Variants in TTLL6 observed in about 807,000 individuals in gnomAD.
The protein encoded by TTLL6 is tubulin polyglutamylase TTLL6.
TTLL6 carries 75 observed loss-of-function variants against 96.4 expected under a neutral mutation model. The ratio of observed to expected loss-of-function variants is 0.78; its 90% confidence interval spans 0.65 to 0.94. The LOEUF (loss-of-function observed/expected upper bound fraction) is 0.94, where lower values mean the gene tolerates loss of function less well. Ranked by LOEUF, TTLL6 falls within the 40% of genes least tolerant of loss-of-function variation. The probability of loss-of-function intolerance (pLI) is 0.00; values close to 1 mark genes in which losing one functional copy is unlikely to be tolerated. For missense variants in TTLL6, 1,030 were observed against 1,093.0 expected, an observed-to-expected ratio of 0.94 and a Z score of 0.81; for synonymous variants, 411 against 419.4, an observed-to-expected ratio of 0.98 and a Z score of 0.24.
intron 10 of TTLL6, among the ~76,000 whole-genome samples, chr17:48,788,314 C>G (rs538959812): frequency 6.6e-6 from 1 of 152,234 alleles, no homozygotes; most frequent in African/African-American, 2.4e-5. Context: ...TCGCCACCTT[C>G]CCATTCACAG....
intron 15 of TTLL6, among the ~76,000 whole-genome samples, chr17:48,768,063 G>A (rs2038650680): frequency 6.6e-6 from 1 of 152,154 alleles, no homozygotes; most frequent in East Asian, 1.9e-4. Flanking sequence ...GGGCAGATCA[G>A]TTCTACCAGA....
chr17:48,809,913 G>C (rs1401116251), intron 1 of TTLL6, among the ~76,000 whole-genome samples: 1 of 151,980 alleles, frequency 6.6e-6, no homozygotes, highest in African/African-American at 2.4e-5. Flanking sequence ...ACTTTGGGAG[G>C]CCTCAACTGA....
chr17:48,768,452 A>G (rs1426353750), intron 15 of TTLL6, among the ~76,000 whole-genome samples: 1 of 147,278 alleles, frequency 6.8e-6, no homozygotes, highest in Non-Finnish European at 1.5e-5. Context: ...TTGTATTTTT[A>G]GTAGAGACGG....
At chr17:48,786,442 A>C (rs1323549987) in intron 11 of TTLL6, 107 bp from the exon 12 acceptor site, 9 of 1,294,532 alleles carry the variant, frequency 7.0e-6, no homozygotes, top group Non-Finnish European at 9.9e-6. Flanking sequence ...AGCAAGTTCC[A>C]CATTCCCTCC....
intron 13 of TTLL6, among the ~76,000 whole-genome samples, chr17:48,772,254 G>T (rs917987596): frequency 5.9e-5 from 9 of 152,304 alleles, no homozygotes; most frequent in South Asian, 2.1e-4. Context: ...GGAAGCCAAG[G>T]TAGGTGGATT....
rs1221948602 is a variant in TTLL6 at position 48,769,136 on chromosome 17, C to T, written c.2529G>A (p.Arg843=). Residue 843 remains arginine, a synonymous_variant, in exon 15 of 16, where the codon AGG becomes AGA. Transcript: ENST00000393382. ...QSPQSYNVTL[R]DLLVIATPAQ... is the part of the protein sequence containing the mutation. ...CTGGAGTGGCAATCACCAGCAGGTC[C>T]CTCAGAGTAACATTATAGCTCTGAG... 2.5e-6 allele frequency: 4 copies of T among 1,614,192 alleles called. No individual in the cohort carries two copies. Among genetic ancestry groups the T allele is most frequent in the Middle Eastern group, 1.7e-4 (1 of 6,046 alleles).
intron 8 of TTLL6, 82 bp from the exon 9 acceptor site, chr17:48,791,685 C>T: frequency 8.2e-7 from 1 of 1,222,090 alleles, no homozygotes; most frequent in Non-Finnish European, 1.2e-6. Flanking sequence ...ACCAGAAACT[C>T]CTGGCGGAGA....
At chr17:48,786,127 G>A in intron 12 of TTLL6, 37 bp downstream of exon 12, 1 of 1,612,658 alleles carries the variant, frequency 6.2e-7, no homozygotes, top group Non-Finnish European at 8.5e-7. Flanking sequence ...GGTGGGGAAG[G>A]GTGTGGCTAC....
Position 48,769,270 on chromosome 17 carries a change from C to A in TTLL6, c.2411-16G>T, listed in dbSNP as rs368156960. On this transcript the variant is annotated splice_polypyrimidine_tract_variant and intron_variant, in intron 14 of 15. Coordinates refer to ENST00000393382, the MANE Select transcript of TTLL6 (RefSeq NM_001130918.3). Reference sequence around the variant, plus strand: ...GAGGGGTTTTCTGGAAAGGCAAAGTCAGAAGCATCAGCGATTTGTGCTGCT... The same window carrying A: ...GAGGGGTTTTCTGGAAAGGCAAAGTAAGAAGCATCAGCGATTTGTGCTGCT... The A allele has an allele frequency of 1.3e-6, 2 of 1,580,162 alleles. No individual in the cohort carries two copies. Among genetic ancestry groups the A allele is most frequent in the African/African-American group, 1.3e-5 (1 of 74,106 alleles).
intron 13 of TTLL6, among the ~76,000 whole-genome samples, chr17:48,776,518 A>G (rs565892195): frequency 2.5e-4 from 38 of 152,344 alleles, no homozygotes; most frequent in African/African-American, 8.9e-4. Flanking sequence ...TTATTTCTAT[A>G]TGCTAAGAAC....
chr17:48,769,872 G>C lies in TTLL6; in HGVS notation c.2266C>G (p.Pro756Ala). The change falls in exon 14 of 16, where the codon CCG (proline) becomes GCG (alanine). Residue 756 changes from proline to alanine, a missense_variant. Pro to Ala is a conservative substitution (Grantham distance 27). Transcript: ENST00000393382. ...TTTAGCAAAGTCCAGTTTGTGTTCG[G>C]ACTCTCCCAGAAGCTCTTGGATTTT... ...PTKSKSFWESPNTNWTLLKSD... is the reference protein window; with the variant it reads ...PTKSKSFWESANTNWTLLKSD... 6.2e-7 allele frequency: 1 copy of C among 1,614,204 alleles called. No homozygotes were observed. The highest frequency in any genetic ancestry group is 8.5e-7 in the Non-Finnish European group (1 of 1,180,038).
intron 13 of TTLL6, 78 bp downstream of exon 13, chr17:48,784,843 TCA>T: frequency 7.8e-7 from 1 of 1,277,726 alleles, no homozygotes; most frequent in Non-Finnish European, 1.1e-6. Flanking sequence ...ACTCAAAGGG[TCA>T]CAGCAAGTTG....
intron 6 of TTLL6, 62 bp from the exon 7 acceptor site, chr17:48,797,266 T>A: frequency 6.7e-7 from 1 of 1,486,420 alleles, no homozygotes; most frequent in Non-Finnish European, 9.0e-7. Context: ...TGAAAATCAC[T>A]AGCTCCCGCC....
rs781370067 is a variant in TTLL6, at chr17:48,768,155, G to T, written c.*834C>A. 2.6e-5 allele frequency among the ~76,000 whole-genome samples: 4 copies of T among 152,156 alleles called. No homozygotes were observed. In the East Asian group the frequency reaches 5.8e-4, roughly 22 times the overall value. On this transcript the variant is annotated intron_variant, in intron 15 of 15. Coordinates refer to ENST00000393382, the MANE Select transcript of TTLL6 (RefSeq NM_001130918.3). ...CTGTCACCCAGGCTGGAGTGCAGTG[G>T]TGCAATCCCGACTCACTGCAACCTT...
Position 48,762,732 on chromosome 17 carries a change from C to A in TTLL6, c.*242G>T, listed in dbSNP as rs762492534. On this transcript the variant is annotated 3_prime_UTR_variant, in exon 16 of 16. Transcript: ENST00000393382. The stretch of plus-strand genomic sequence containing the variant: ...ACGGCAACTGGAGTGTGTCCTGGGG[C>A]AGCACCAATCCAACCCCAGAAATCA... 4.0e-5 allele frequency: 13 copies of A among 324,540 alleles called. No homozygotes were observed. The highest frequency in any genetic ancestry group is 7.8e-5 in the Non-Finnish European group (13 of 166,528). 20.1% of individuals were successfully genotyped at this position (324,540 alleles called of 1,614,324 possible).
At position 48,769,066 on chromosome 17, in the gene TTLL6, T is replaced by A; in HGVS notation, c.2599A>T (p.Arg867Trp). ...TCTTGATCCTGCATACATGGGTCCC[T>A]CATAGCACTTGCGTGGCTTCTACAA... The part of the protein sequence containing the change: ...RPCRSHASAM[R>W]DPCMQDQEAY... The change falls in exon 15 of 16, where the codon AGG (arginine) becomes TGG (tryptophan). Residue 867 changes from arginine (R) to tryptophan (W), a missense_variant. Arg to Trp is a moderately radical substitution (Grantham distance 101). Coordinates refer to ENST00000393382, the MANE Select transcript of TTLL6 (RefSeq NM_001130918.3). 6.2e-7 allele frequency: 1 copy of A among 1,614,210 alleles called. No individual in the cohort carries two copies.
chr17:48,804,535 T>C (rs1353024688), intron 2 of TTLL6: 2 of 654,170 alleles, frequency 3.1e-6, no homozygotes, highest in African/African-American at 1.8e-5. Flanking sequence ...TAAACACAAA[T>C]AGAATGAAAA....
At chr17:48,774,311 A>G (rs1409425982) in intron 13 of TTLL6, among the ~76,000 whole-genome samples, 1 of 131,814 alleles carries the variant, frequency 7.6e-6, no homozygotes, top group Admixed American at 9.4e-5. Context: ...CTACAGGCGC[A>G]CATTGCCACG....
At chr17:48,795,477 G>A (rs1257996043) in intron 8 of TTLL6, among the ~76,000 whole-genome samples, 1 of 151,948 alleles carries the variant, frequency 6.6e-6, no homozygotes, top group Non-Finnish European at 1.5e-5. Context: ...ACATTCTTCA[G>A]TCCCCCGTTT....
Sources: allele counts gnomAD v4.1 joint callset (sites outside exome capture counted in the v4.1 genomes callset), GRCh38; gene constraint gnomAD v4.1.1; transcripts MANE v1.5; gene names NCBI Gene and HGNC (gene_info 2026-07-23, HGNC 2026-07-21).